The following DHX9 variants were observed in gnomAD, a reference collection of about 807,000 sequenced individuals.
DHX9 encodes DExH-box helicase 9.
A neutral mutation model predicts 148.7 loss-of-function variants in DHX9; 27 were observed. The observed-to-expected ratio is 0.18, with a 90% confidence interval of 0.13 to 0.25. The LOEUF (loss-of-function observed/expected upper bound fraction) is 0.25, where lower values mean the gene tolerates loss of function less well. DHX9 is among the 10% of genes least tolerant of loss of function. The probability of loss-of-function intolerance (pLI) is 1.00; values close to 1 mark genes in which losing one functional copy is unlikely to be tolerated. For missense variants in DHX9, 796 were observed against 1,559.6 expected (o/e 0.51, Z 8.25); for synonymous variants, 529 against 516.6 (o/e 1.02, Z -0.33).
chr1:182,854,338 T>C (rs1438809412), intron 6 of DHX9, among the ~76,000 whole-genome samples, 160 bp downstream of exon 6: 2 of 152,228 alleles, frequency 1.3e-5, no homozygotes, highest in African/African-American at 4.8e-5. Context: ...AATTATTGAT[T>C]TGTGCAGTTT....
intron 22 of DHX9, 87 bp from the exon 23 acceptor site, chr1:182,881,177 C>G: frequency 7.3e-7 from 1 of 1,373,324 alleles, no homozygotes; most frequent in Non-Finnish European, 9.9e-7. Context: ...GCCATAAAGA[C>G]TGCAACCCAC....
chr1:182,872,703 A>G (rs531565262), intron 15 of DHX9, among the ~76,000 whole-genome samples: 1 of 152,328 alleles, frequency 6.6e-6, no homozygotes, highest in South Asian at 2.1e-4. Flanking sequence ...GGTTTCATTT[A>G]CTACTTGAGT....
Position 182,879,247 on chromosome 1 carries a change from T to C in DHX9, c.2352-3T>C, listed in dbSNP as rs777939384. On this transcript the variant is annotated splice_region_variant and splice_polypyrimidine_tract_variant and intron_variant, in intron 20 of 27. Transcript: ENST00000367549. ...TGGTTATTTTATGCTTATTTTCTCT[T>C]AGACTTGAAACCCACATGACACCAG... The C allele has an allele frequency of 6.9e-7, 1 of 1,449,958 alleles. No individual in the cohort carries two copies. Among genetic ancestry groups the C allele is most frequent in the South Asian group, 1.6e-5 (1 of 63,128 alleles). 89.8% of individuals were successfully genotyped at this position (1,449,958 alleles called of 1,614,324 possible). A position where few individuals can be genotyped will look rare whatever the true frequency, so the allele number is the denominator to read the frequency against.
intron 1 of DHX9, 26 bp from the exon 2 acceptor site, chr1:182,842,519 T>G (rs1365443113): frequency 8.2e-6 from 12 of 1,457,428 alleles, no homozygotes; most frequent in Non-Finnish European, 1.1e-5. Flanking sequence ...ATAAATGCTG[T>G]TTTTAACTGA....
chr1:182,884,929 G>A (rs1029489418), intron 27 of DHX9, 116 bp downstream of exon 27: 1 of 888,042 alleles, frequency 1.1e-6, no homozygotes, highest in Middle Eastern at 2.8e-4. Flanking sequence ...TCTAGATATA[G>A]ATAGAGCTAT....
intron 14 of DHX9, 64 bp from the exon 15 acceptor site, chr1:182,872,273 T>A (rs746782492): frequency 1.8e-5 from 25 of 1,398,908 alleles, no homozygotes; most frequent in Non-Finnish European, 2.4e-5. Context: ...TATAACTCTT[T>A]TAGGCATAGC....
chr1:182,846,921 C>T (rs1376364454), intron 3 of DHX9, among the ~76,000 whole-genome samples: 1 of 151,192 alleles, frequency 6.6e-6, no homozygotes, highest in Non-Finnish European at 1.5e-5. Context: ...ATTTTTTCCA[C>T]TGTTTCTCAA....
chr1:182,869,152 A>G (rs771462269), intron 14 of DHX9, among the ~76,000 whole-genome samples: 15 of 152,212 alleles, frequency 9.9e-5, no homozygotes, highest in Non-Finnish European at 2.1e-4. Context: ...GGCCAGGCAC[A>G]GTGGCTCACG....
Position 182,887,156 on chromosome 1 carries a change from A to C in DHX9, c.3535A>C (p.Ser1179Arg). The change falls in exon 28 of 28, where the codon AGT (serine) becomes CGT (arginine). Residue 1179 changes from serine (S) to arginine (R), a missense_variant. This residue lies in a region of DHX9 where 86 missense variants were observed against 156.3 expected (regional missense o/e 0.55). Transcript: ENST00000367549. ...NGSGYRRGGS[S>R]YSGGGYGGGY... ...AAGCGGATATAGAAGGGGAGGTTCT[A>C]GTTACAGTGGTGGAGGCTATGGCGG... 6.2e-7 allele frequency: 1 copy of C among 1,614,184 alleles called. No homozygotes were observed. Among genetic ancestry groups the C allele is most frequent in the African/African-American group, 1.3e-5 (1 of 75,050 alleles).
chr1:182,867,085 A>G (rs142267071), intron 14 of DHX9, 42 bp downstream of exon 14: 38 of 1,246,128 alleles, frequency 3.0e-5, no homozygotes, highest in African/African-American at 6.2e-5. Context: ...TAATTCTGCT[A>G]TTTCTAAGAG....
In DHX9 at chr1:182,874,969, T is replaced by C; in HGVS notation, c.1815+15T>C. 1 of 1,597,402 alleles carries C rather than the reference T, an allele frequency of 6.3e-7. No individual in the cohort carries two copies. The highest frequency in any genetic ancestry group is 1.1e-5 in the South Asian group (1 of 90,648). On this transcript the variant is annotated intron_variant, in intron 16 of 27. Coordinates refer to ENST00000367549, the MANE Select transcript of DHX9 (RefSeq NM_001357.5). Reference sequence around the variant, plus strand: ...AGGATGATGATGTAAGTGAATTTCATGAAGAATTTCCATTATGGGCAAATT... The same window carrying C: ...AGGATGATGATGTAAGTGAATTTCACGAAGAATTTCCATTATGGGCAAATT...
At chr1:182,845,442 A>G (rs993299348) in intron 3 of DHX9, among the ~76,000 whole-genome samples, 2 of 151,860 alleles carry the variant, frequency 1.3e-5, no homozygotes, top group South Asian at 4.2e-4. Flanking sequence ...AAAAAAAAAA[A>G]CAATTTTCCT....
chr1:182,868,729 C>T (rs914942209), intron 14 of DHX9, among the ~76,000 whole-genome samples: 1 of 152,024 alleles, frequency 6.6e-6, no homozygotes, highest in Admixed American at 6.6e-5. Flanking sequence ...GTTGGCCAGG[C>T]TGGTCTCAAA....
intron 17 of DHX9, 21 bp downstream of exon 17, chr1:182,876,284 A>C (rs1402854695): frequency 1.2e-6 from 2 of 1,609,688 alleles, no homozygotes; most frequent in Admixed American, 3.3e-5. Context: ...TTGAATTCTC[A>C]CATATTTGAG....
rs2282264 is a variant in DHX9 at position 182,858,662 on chromosome 1, T to G, written c.900+22T>G. 2.9e-3 allele frequency: 4,593 copies of G among 1,609,362 alleles called. 72 individuals carry two copies. In the East Asian group the frequency reaches 0.041, roughly 15 times the overall value. ...CCCGGTAAGCATAAAGCTGTTTAGT[T>G]CACATTTACGTAGAACTCTCCGTAG... On this transcript the variant is annotated intron_variant, in intron 9 of 27. Coordinates refer to ENST00000367549, the MANE Select transcript of DHX9 (RefSeq NM_001357.5).
chr1:182,860,390 ATTCTTTT>A, intron 12 of DHX9: 1 of 343,006 alleles, frequency 2.9e-6, no homozygotes, highest in East Asian at 5.0e-5. Context: ...TATGTGAGGG[ATTCTTTT>A]TATCTGGGCT....
At chr1:182,871,320 G>A (rs950434075) in intron 14 of DHX9, among the ~76,000 whole-genome samples, 9 of 152,170 alleles carry the variant, frequency 5.9e-5, no homozygotes, top group African/African-American at 2.2e-4. Flanking sequence ...TATAGATCTA[G>A]ATCACAACAA....
intron 21 of DHX9, 136 bp downstream of exon 21, chr1:182,879,546 C>T: frequency 1.4e-6 from 1 of 713,028 alleles, no homozygotes. Flanking sequence ...GTAAGGCCTC[C>T]AGTCTTACCT....
In DHX9 at chr1:182,854,195, C is replaced by G. The variant is rs764129836; in HGVS notation, c.626+17C>G. The G allele has an allele frequency of 1.3e-6, 2 of 1,575,236 alleles. No individual in the cohort carries two copies. Among genetic ancestry groups the G allele is most frequent in the South Asian group, 2.3e-5 (2 of 85,186 alleles). ...TCACAACAGGTTTGCTTGTTTCATT[C>G]TTTTCCTTCTGTAGTAAGTTAAGGT... On this transcript the variant is annotated intron_variant, in intron 6 of 27. Transcript: ENST00000367549.
Sources: allele counts gnomAD v4.1 joint callset (sites outside exome capture counted in the v4.1 genomes callset), GRCh38; gene constraint gnomAD v4.1.1; regional missense constraint gnomAD v4.1.1; transcripts MANE v1.5; gene names NCBI Gene and HGNC (gene_info 2026-07-23, HGNC 2026-07-21).